ELAVL1: variants seen among roughly 807,000 people sequenced by gnomAD.
The protein encoded by ELAVL1 is ELAV-like protein 1.
In ELAVL1, 1 loss-of-function variant was observed where a neutral mutation model predicts 28.4. That is an observed-to-expected ratio of 0.04 (90% CI 0.01 to 0.17). The LOEUF (loss-of-function observed/expected upper bound fraction) is 0.17, where lower values mean the gene tolerates loss of function less well. Among genes scored for constraint, ELAVL1 ranks in the 10% least tolerant of loss-of-function variants. The pLI, the probability that ELAVL1 is intolerant of heterozygous loss-of-function variation, is 1.00. For synonymous variants in ELAVL1, 174 were observed against 183.5 expected, an observed-to-expected ratio of 0.95 and a Z score of 0.42; for missense variants, 157 against 447.2, an observed-to-expected ratio of 0.35 and a Z score of 5.85.
chr19:8,005,393 G>A (rs1027028905), intron 1 of ELAVL1, 102 bp downstream of exon 1: 6 of 146,166 alleles, frequency 4.1e-5, no homozygotes, highest in African/African-American at 1.2e-4. Flanking sequence ...CCTGGGCCTC[G>A]GCCGGTGCAG....
intron 1 of ELAVL1, among the ~76,000 whole-genome samples, chr19:8,000,235 G>T (rs574907821): frequency 3.3e-5 from 5 of 152,204 alleles, no homozygotes; most frequent in Non-Finnish European, 5.9e-5. Flanking sequence ...TCTGGGAGAA[G>T]TCTTGTTTGG....
In ELAVL1 at chr19:7,981,170, A is replaced by G. The variant is rs1385728212; in HGVS notation, c.189T>C (p.Tyr63=). 5.0e-6 allele frequency: 8 copies of G among 1,614,090 alleles called. No individual in the cohort carries two copies. Among genetic ancestry groups the G allele is most frequent in the Middle Eastern group, 1.6e-4 (1 of 6,084 alleles). Residue 63 remains tyrosine (Y), a synonymous_variant, in exon 3 of 6, where the codon TAT becomes TAC. Transcript: ENST00000407627. The surrounding 1 kb of genome is among the most constrained non-coding windows in gnomAD (Gnocchi z 4.2). ...RDKVAGHSLG[Y]GFVNYVTAKD... ...TCGCGGTCACGTAGTTCACAAAGCC[A>G]TAGCCCAAGCTGTGTCCTGTGCAAG...
intron 3 of ELAVL1, among the ~76,000 whole-genome samples, chr19:7,980,155 A>T (rs908875735): frequency 6.6e-6 from 1 of 152,100 alleles, no homozygotes; most frequent in Admixed American, 6.5e-5. Context: ...AAGAGAGGGG[A>T]TTCTGGCCGG....
intron 1 of ELAVL1, among the ~76,000 whole-genome samples, chr19:8,003,280 T>A (rs1462878462): frequency 7.0e-6 from 1 of 142,364 alleles, no homozygotes; most frequent in East Asian, 2.1e-4. Flanking sequence ...TCCCAGCTAC[T>A]TGGGAGGCTG....
At chr19:8,001,957 C>A in intron 1 of ELAVL1, 1 of 1,051,888 alleles carries the variant, frequency 9.5e-7, no homozygotes, top group Non-Finnish European at 1.3e-6. Context: ...CTCAGTACTG[C>A]AACAGCCTGT....
At chr19:7,984,125 C>A (rs1310225360) in intron 2 of ELAVL1, among the ~76,000 whole-genome samples, 1 of 152,164 alleles carries the variant, frequency 6.6e-6, no homozygotes, top group Non-Finnish European at 1.5e-5. Context: ...GAGTCGCACA[C>A]CCCTGGGCTG....
At chr19:7,972,575 A>C (rs1278613822) in intron 4 of ELAVL1, among the ~76,000 whole-genome samples, 1 of 152,130 alleles carries the variant, frequency 6.6e-6, no homozygotes, top group Non-Finnish European at 1.5e-5. Context: ...CTGCACCCCA[A>C]ATGCCTGCAA....
chr19:7,987,405 G>C (rs1043228766), intron 2 of ELAVL1, among the ~76,000 whole-genome samples: 14 of 152,300 alleles, frequency 9.2e-5, no homozygotes, highest in Non-Finnish European at 1.9e-4. Context: ...GGGCTGCCCA[G>C]GAAGGCAGCG....
intron 1 of ELAVL1, among the ~76,000 whole-genome samples, chr19:7,993,247 C>T (rs368346361): frequency 1.4e-4 from 22 of 152,276 alleles, no homozygotes; most frequent in African/African-American, 5.1e-4. Flanking sequence ...ACAATTCCAG[C>T]ACCACAATTT....
At chr19:7,983,609 G>T (rs143504176) in intron 2 of ELAVL1, among the ~76,000 whole-genome samples, 1 of 152,084 alleles carries the variant, frequency 6.6e-6, no homozygotes, top group Admixed American at 6.5e-5. Context: ...TTCTGCATCC[G>T]GGCCCCATCT....
Position 7,991,918 on chromosome 19 carries a change from G to C in ELAVL1, c.-16-87C>G, listed in dbSNP as rs1421401852. ...ACTAGTAACTGCATTTGCACTTAGAGATTTTCTTTCTTTCTTTTTTTTTTT... is the reference window on the plus strand; with the variant it reads ...ACTAGTAACTGCATTTGCACTTAGACATTTTCTTTCTTTCTTTTTTTTTTT... On this transcript the variant is annotated intron_variant, in intron 1 of 5. Coordinates refer to ENST00000407627, the MANE Select transcript of ELAVL1 (RefSeq NM_001419.3). 19 of 914,636 alleles carry C rather than the reference G, an allele frequency of 2.1e-5. 1 individual carries two copies. Among genetic ancestry groups the C allele is most frequent in the Non-Finnish European group, 2.9e-5 (19 of 656,456 alleles). 56.7% of individuals were successfully genotyped at this position (914,636 alleles called of 1,614,324 possible). A position where few individuals can be genotyped will look rare whatever the true frequency, so the allele number is the denominator to read the frequency against.
intron 2 of ELAVL1, among the ~76,000 whole-genome samples, chr19:7,985,822 A>G (rs1985587075): frequency 6.6e-6 from 1 of 152,170 alleles, no homozygotes. Flanking sequence ...CCCGGCTCTC[A>G]CTTCCCTCAA....
At chr19:7,989,997 C>T (rs976429057) in intron 2 of ELAVL1, among the ~76,000 whole-genome samples, 2 of 152,122 alleles carry the variant, frequency 1.3e-5, no homozygotes, top group African/African-American at 4.8e-5. Context: ...TCATGTATGC[C>T]TGAAATGTTT....
At chr19:8,003,631 G>T (rs999542011) in intron 1 of ELAVL1, among the ~76,000 whole-genome samples, 66 of 148,808 alleles carry the variant, frequency 4.4e-4, no homozygotes, top group Non-Finnish European at 7.5e-4. Context: ...GGCGGAGCTT[G>T]CAGTGAGCCG....
chr19:7,967,444 C>T (rs1984985798), intron 5 of ELAVL1, 121 bp downstream of exon 5: 1 of 1,147,114 alleles, frequency 8.7e-7, no homozygotes, highest in Non-Finnish European at 1.2e-6. Context: ...CAGAATGATT[C>T]TGAAACGCGC....
At chr19:7,999,186 A>T (rs964614640) in intron 1 of ELAVL1, among the ~76,000 whole-genome samples, 1 of 152,232 alleles carries the variant, frequency 6.6e-6, no homozygotes, top group African/African-American at 2.4e-5. Flanking sequence ...CAGCATGGCC[A>T]ACATAGTGAA....
chr19:7,972,929 C>T (rs1321484023), intron 4 of ELAVL1: 1 of 150,638 alleles, frequency 6.6e-6, no homozygotes, highest in Non-Finnish European at 1.5e-5. Flanking sequence ...TCTCCTGCCT[C>T]AGCCTCCCGA....
In ELAVL1 at chr19:7,979,019, C is replaced by G. The variant is rs1257020853; in HGVS notation, c.276+2064G>C. 6.6e-6 allele frequency among the ~76,000 whole-genome samples: 1 copy of G among 152,218 alleles called. No homozygotes were observed. Among genetic ancestry groups the G allele is most frequent in the Non-Finnish European group, 1.5e-5 (1 of 68,034 alleles). On this transcript the variant is annotated intron_variant, in intron 3 of 5. Transcript: ENST00000407627. This position sits in a 1 kb window ranked among gnomAD's most constrained non-coding sequence, Gnocchi z 5.4. The stretch of plus-strand genomic sequence containing the variant: ...CTCAGTATCAACGTATCTGGCCCAG[C>G]ACCACACTGGCCAGGGGCTCAGTAA...
At chr19:7,986,614 C>T (rs1229941322) in intron 2 of ELAVL1, among the ~76,000 whole-genome samples, 6 of 152,216 alleles carry the variant, frequency 3.9e-5, no homozygotes, top group Non-Finnish European at 8.8e-5. Flanking sequence ...AAGGTGCGCT[C>T]TCCCATCTGC....
Sources: gnomAD v4.1 joint callset for allele counts (sites outside exome capture counted in the v4.1 genomes callset) on GRCh38, gnomAD v4.1.1 for gene constraint, Gnocchi (gnomAD v3.1) non-coding constraint, MANE v1.5 for transcripts, NCBI Gene and HGNC (gene_info 2026-07-23, HGNC 2026-07-21) for gene names.